Variants in RAF1 observed in about 807,000 individuals in gnomAD.
RAF1 encodes Raf-1 proto-oncogene, serine/threonine kinase, also known as RAF proto-oncogene serine/threonine-protein kinase.
RAF1 carries 27 observed loss-of-function variants against 81.1 expected under a neutral mutation model. The ratio of observed to expected loss-of-function variants is 0.33; its 90% CI spans 0.25 to 0.46. RAF1 has a LOEUF of 0.46. Among genes scored for constraint, RAF1 ranks in the 20% least tolerant of loss-of-function variants. RAF1 has a pLI of 1.00. For synonymous variants in RAF1, 298 were observed against 294.0 expected (o/e 1.01, Z -0.14); for missense variants, 598 against 826.0 (o/e 0.72, Z 3.38).
intron 1 of RAF1, among the ~76,000 whole-genome samples, chr3:12,657,853 A>G (rs111304985): frequency 0.01 from 1,500 of 147,168 alleles, 20 homozygotes; most frequent in African/African-American, 0.036. Flanking sequence ...CACTTTTATC[A>G]CCCAAAAAAA....
intron 1 of RAF1, among the ~76,000 whole-genome samples, chr3:12,640,157 G>A (rs953928914): frequency 6.6e-6 from 1 of 152,044 alleles, no homozygotes; most frequent in Non-Finnish European, 1.5e-5. Context: ...GGGAAAACTG[G>A]CTAGCCATAT....
chr3:12,591,418 T>C (rs1418460231), intron 12 of RAF1, among the ~76,000 whole-genome samples: 4 of 152,138 alleles, frequency 2.6e-5, no homozygotes. Flanking sequence ...ATAGGGCCTA[T>C]TTCTGCCCAC....
intron 1 of RAF1, among the ~76,000 whole-genome samples, chr3:12,648,474 A>G (rs1253873322): frequency 2.0e-5 from 3 of 152,312 alleles, no homozygotes; most frequent in East Asian, 1.9e-4. Flanking sequence ...GACACAGAAT[A>G]TAAGTGAATC....
intron 14 of RAF1, chr3:12,587,201 A>G (rs2058357195): frequency 2.3e-5 from 5 of 220,894 alleles, no homozygotes; most frequent in South Asian, 1.7e-4. Context: ...TGCTATCCAC[A>G]TAACAAGCAG....
chr3:12,621,627 T>C (rs977998506), intron 1 of RAF1, among the ~76,000 whole-genome samples: 6 of 152,208 alleles, frequency 3.9e-5, no homozygotes, highest in South Asian at 4.1e-4. Context: ...CTCCAGAAAT[T>C]TGTCCTACAG....
chr3:12,617,808 A>G (rs2059420448), intron 2 of RAF1, among the ~76,000 whole-genome samples: 1 of 148,468 alleles, frequency 6.7e-6, no homozygotes, highest in Admixed American at 6.9e-5. Flanking sequence ...CAGGAGAATC[A>G]CTTCAACCCA....
chr3:12,619,564 T>TC (rs2059490185), intron 1 of RAF1, among the ~76,000 whole-genome samples: 3 of 118,376 alleles, frequency 2.5e-5, no homozygotes, highest in South Asian at 5.2e-4. Flanking sequence ...AGACTCCATC[T>TC]CCCAAAAAAA....
At chr3:12,606,954 G>C (rs1198658671) in intron 5 of RAF1, among the ~76,000 whole-genome samples, 2 of 152,086 alleles carry the variant, frequency 1.3e-5, no homozygotes, top group African/African-American at 4.8e-5. Flanking sequence ...GCCTCCCAAA[G>C]TGCTGGGATT....
intron 8 of RAF1, among the ~76,000 whole-genome samples, chr3:12,603,136 C>T (rs1054078748): frequency 6.6e-6 from 1 of 152,134 alleles, no homozygotes; most frequent in African/African-American, 2.4e-5. Flanking sequence ...TTCACAGGCA[C>T]AATTGTAGCT....
intron 1 of RAF1, among the ~76,000 whole-genome samples, chr3:12,659,880 T>C (rs2060821160): frequency 6.6e-6 from 1 of 152,180 alleles, no homozygotes; most frequent in African/African-American, 2.4e-5. Context: ...ATTATGATCC[T>C]AACATGCAAA....
At chr3:12,655,882 A>G (rs1349600590) in intron 1 of RAF1, among the ~76,000 whole-genome samples, 1 of 152,046 alleles carries the variant, frequency 6.6e-6, no homozygotes, top group East Asian at 1.9e-4. Context: ...AAATTCATAG[A>G]GAGAAAGTAG....
chr3:12,608,647 C>T lies in RAF1; in HGVS notation c.581+119G>A, dbSNP rs939753086. 2.5e-6 allele frequency: 3 copies of T among 1,190,656 alleles called. No individual in the cohort carries two copies. The African/African-American group carries it at 4.5e-5, about 18-fold the overall frequency. The allele number at this position is 1,190,656 out of a possible 1,614,324, so 73.8% of individuals were successfully genotyped here. A position where few individuals can be genotyped will look rare whatever the true frequency, so the allele number is the denominator to read the frequency against. On this transcript the variant is annotated intron_variant, in intron 5 of 17. Coordinates refer to ENST00000442415, the MANE Select transcript of RAF1 (RefSeq NM_001354689.3). ...ACTGTTTCTAAAGTAGTTTCTGGAT[C>T]ACAATTCATTAAATGAGTCTAGAAT...
intron 1 of RAF1, among the ~76,000 whole-genome samples, chr3:12,659,639 T>C (rs2060814667): frequency 8.5e-6 from 1 of 118,272 alleles, no homozygotes; most frequent in Non-Finnish European, 1.8e-5. Context: ...GGTAAGTAAT[T>C]TTCCACCTCA....
chr3:12,656,599 G>C (rs967186248), intron 1 of RAF1, among the ~76,000 whole-genome samples: 1 of 152,134 alleles, frequency 6.6e-6, no homozygotes, highest in African/African-American at 2.4e-5. Context: ...AAGGTTTTGA[G>C]AACTGGAGAT....
chr3:12,584,882 TCAC>T lies in RAF1; in HGVS notation c.1825_1827del (p.Val609del), dbSNP rs2125319431. On this transcript the variant is annotated inframe_deletion, in exon 17 of 18. Coordinates refer to ENST00000442415, the MANE Select transcript of RAF1 (RefSeq NM_001354689.3). ...AGAGGCCTCTCTTCCTTTACTTTCT[TCAC>T]ACAGTCAGCTACCAGCCTCTTCATT... The T allele has an allele frequency of 2.5e-6, 4 of 1,614,194 alleles. No individual in the cohort carries two copies. The highest frequency in any genetic ancestry group is 3.4e-6 in the Non-Finnish European group (4 of 1,180,032).
rs925151637 is a variant in RAF1 at position 12,585,130 on chromosome 3, G to A, written c.1720C>T (p.Arg574Ter). The change falls in exon 16 of 18, where the codon CGA becomes TGA. Residue 574 changes from arginine (R) to a stop codon, truncating the protein, a stop_gained. Transcript: ENST00000442415. LOFTEE classifies it high-confidence loss of function. ...CACCAGCACAGACTTACCTGATCTC[G>A]GTTGTTGATGTGAGAATAAGGAAGC... The A allele has an allele frequency of 6.2e-7, 1 of 1,613,998 alleles. No homozygotes were observed. Among genetic ancestry groups the A allele is most frequent in the South Asian group, 1.1e-5 (1 of 91,086 alleles).
rs1408127525 is a variant in RAF1, at chr3:12,587,582, A to G, written c.1477+9T>C. On this transcript the variant is annotated intron_variant, in intron 14 of 17. Coordinates refer to ENST00000442415, the MANE Select transcript of RAF1 (RefSeq NM_001354689.3). ...GAGCAGTCAAATGAACTCAACAACC[A>G]AAGGATACTGTTGGATTTCATGTCT... 4 of 1,605,710 alleles carry G rather than the reference A, an allele frequency of 2.5e-6. No homozygotes were observed. The South Asian group carries it at 4.4e-5, about 18-fold the overall frequency.
intron 1 of RAF1, among the ~76,000 whole-genome samples, chr3:12,656,540 A>G (rs768174675): frequency 2.6e-4 from 39 of 152,236 alleles, no homozygotes; most frequent in Non-Finnish European, 4.7e-4. Flanking sequence ...GTAGAGTGAA[A>G]CTAAATCCAT....
rs2058223251 is a variant in RAF1, at chr3:12,583,840, CAAA to C, written c.*671_*673del. On this transcript the variant is annotated 3_prime_UTR_variant, in exon 18 of 18. Coordinates refer to ENST00000442415, the MANE Select transcript of RAF1 (RefSeq NM_001354689.3). ...CCCCATAGGGGCAGCTCCTGGAAGA[CAAA>C]ATTCAGCATGATGGAAGACTGCTCC... 4.3e-6 allele frequency: 1 copy of C among 234,162 alleles called. No homozygotes were observed. Among genetic ancestry groups the C allele is most frequent in the Non-Finnish European group, 8.4e-6 (1 of 118,522 alleles). 14.5% of individuals were successfully genotyped at this position (234,162 alleles called of 1,614,324 possible). A position where few individuals can be genotyped will look rare whatever the true frequency, so the allele number is the denominator to read the frequency against.
Sources: gnomAD v4.1 joint callset for allele counts (sites outside exome capture counted in the v4.1 genomes callset) on GRCh38, gnomAD v4.1.1 for gene constraint, MANE v1.5 for transcripts, NCBI Gene and HGNC (gene_info 2026-07-23, HGNC 2026-07-21) for gene names.